The following FILIP1 variants were observed in gnomAD, a reference collection of about 807,000 sequenced individuals.
FILIP1 encodes the protein filamin A interacting protein 1, also known as filamin-A-interacting protein 1.
A neutral mutation model predicts 102.1 loss-of-function variants in FILIP1; 61 were observed. The ratio of observed to expected loss-of-function variants is 0.60; its 90% confidence interval spans 0.49 to 0.74. The LOEUF (loss-of-function observed/expected upper bound fraction) is 0.74. Ranked by LOEUF, FILIP1 falls within the 30% of genes least tolerant of loss-of-function variation. FILIP1 has a pLI of 0.00. For missense variants in FILIP1, 1,314 were observed against 1,441.2 expected (o/e 0.91, Z 1.43); for synonymous variants, 491 against 526.9 (o/e 0.93, Z 0.93).
At position 75,492,972 on chromosome 6, in the gene FILIP1, C is replaced by A. The variant is rs563337329; in HGVS notation, c.-7+442G>T. ...AGCAGGTTTAAAAAGTACAGCAATACAAACACCATGCGGGACTTTCCTCTC... is the reference window on the plus strand; with the variant it reads ...AGCAGGTTTAAAAAGTACAGCAATAAAAACACCATGCGGGACTTTCCTCTC... On this transcript the variant is annotated intron_variant, in intron 1 of 5. Transcript: ENST00000237172. 6.6e-5 allele frequency among the ~76,000 whole-genome samples: 10 copies of A among 152,296 alleles called. No homozygotes were observed. In the East Asian group the frequency reaches 1.9e-3, roughly 29 times the overall value.
intron 1 of FILIP1, among the ~76,000 whole-genome samples, chr6:75,427,390 C>T (rs1189630771): frequency 6.6e-6 from 1 of 152,102 alleles, no homozygotes; most frequent in Non-Finnish European, 1.5e-5. Context: ...TACTATAGGA[C>T]TTTCAGGCTA....
intron 4 of FILIP1, among the ~76,000 whole-genome samples, chr6:75,329,905 C>T (rs1774012187): frequency 6.6e-6 from 1 of 152,052 alleles, no homozygotes; most frequent in African/African-American, 2.4e-5. Flanking sequence ...CAAGCATATC[C>T]TTTGTGTTAC....
chr6:75,346,489 A>G (rs1454823347), intron 4 of FILIP1, among the ~76,000 whole-genome samples: 2 of 152,182 alleles, frequency 1.3e-5, no homozygotes, highest in Admixed American at 6.5e-5. Flanking sequence ...CCTCAAGGGC[A>G]TTTTTAATGG....
chr6:75,394,122 A>C (rs2149661279), intron 2 of FILIP1, among the ~76,000 whole-genome samples: 1 of 152,294 alleles, frequency 6.6e-6, no homozygotes, highest in Middle Eastern at 3.4e-3. Flanking sequence ...TGGTTACTTC[A>C]GAATTCTCCT....
chr6:75,310,988 C>T (rs1250273418), intron 5 of FILIP1, among the ~76,000 whole-genome samples: 1 of 152,074 alleles, frequency 6.6e-6, no homozygotes, highest in African/African-American at 2.4e-5. Context: ...AAATTATGAG[C>T]TTCCTGTCTT....
In FILIP1 at chr6:75,493,555, C is replaced by T. The variant is rs949556468; in HGVS notation, c.-148G>A. The T allele has an allele frequency of 7.2e-5, 11 of 152,166 alleles. No homozygotes were observed. The highest frequency in any genetic ancestry group is 2.7e-4 in the African/African-American group (11 of 41,418). 9.4% of individuals were successfully genotyped at this position (152,166 alleles called of 1,614,324 possible). A position where few individuals can be genotyped will look rare whatever the true frequency, so the allele number is the denominator to read the frequency against. On this transcript the variant is annotated 5_prime_UTR_variant, in exon 1 of 6. Coordinates refer to ENST00000237172, the MANE Select transcript of FILIP1 (RefSeq NM_015687.5). ...GCCCAAAAGAATACAGAGGAAAAAG[C>T]TTTTCCCACTTTCTTTCCCAGGACC...
At chr6:75,316,488 TTG>T (rs1332058106) in intron 4 of FILIP1, among the ~76,000 whole-genome samples, 9 of 151,774 alleles carry the variant, frequency 5.9e-5, no homozygotes, top group South Asian at 2.1e-4. Flanking sequence ...TAAGAAATAT[TTG>T]TGTGTTTTTT....
chr6:75,392,991 G>C (rs771601431), intron 2 of FILIP1, among the ~76,000 whole-genome samples: 78 of 152,274 alleles, frequency 5.1e-4, no homozygotes, highest in Non-Finnish European at 9.0e-4. Context: ...CCAGTCTCAG[G>C]TATGTCTTTA....
At chr6:75,480,115 T>C (rs2149776952) in intron 1 of FILIP1, among the ~76,000 whole-genome samples, 1 of 152,156 alleles carries the variant, frequency 6.6e-6, no homozygotes, top group East Asian at 1.9e-4. Flanking sequence ...ACCTTCATTT[T>C]TTTAGACTTA....
At chr6:75,414,561 A>G (rs1777186739) in intron 2 of FILIP1, 136 bp downstream of exon 2, 4 of 836,588 alleles carry the variant, frequency 4.8e-6, no homozygotes. Context: ...GCCAGGCACT[A>G]GGGATTTAGA....
At chr6:75,414,461 A>C (rs1306095830) in intron 2 of FILIP1, among the ~76,000 whole-genome samples, 1 of 152,144 alleles carries the variant, frequency 6.6e-6, no homozygotes, top group East Asian at 1.9e-4. Flanking sequence ...ATAATGAAGA[A>C]ATTTTCTGCT....
At chr6:75,384,395 C>T (rs927764285) in intron 2 of FILIP1, among the ~76,000 whole-genome samples, 1 of 152,198 alleles carries the variant, frequency 6.6e-6, no homozygotes, top group African/African-American at 2.4e-5. Flanking sequence ...AGCACCTGCA[C>T]ATCCTAAATG....
At chr6:75,443,025 G>T (rs1216485820) in intron 1 of FILIP1, among the ~76,000 whole-genome samples, 4 of 152,196 alleles carry the variant, frequency 2.6e-5, no homozygotes, top group Non-Finnish European at 4.4e-5. Flanking sequence ...ATCTTGGAGT[G>T]AAAGTGTAAA....
intron 6 of FILIP1, among the ~76,000 whole-genome samples, chr6:75,300,330 C>CTA (rs1353825866): frequency 6.6e-6 from 1 of 152,144 alleles, no homozygotes; most frequent in Non-Finnish European, 1.5e-5. Flanking sequence ...ATCAATTTGC[C>CTA]TATATATAAC....
At chr6:75,293,344 A>G (rs951266567) in exon 7 of FILIP1, 7 of 152,208 alleles carry the variant, frequency 4.6e-5, no homozygotes, top group Non-Finnish European at 8.8e-5. Context: ...TCAATTGCAT[A>G]TGCATGTTGA....
chr6:75,401,559 A>G (rs1333283091), intron 2 of FILIP1, among the ~76,000 whole-genome samples: 11 of 152,208 alleles, frequency 7.2e-5, no homozygotes, highest in Admixed American at 5.9e-4. Context: ...AACATTAAAT[A>G]AAATTTAAAA....
chr6:75,298,340 T>A (rs1430152178), intron 6 of FILIP1, among the ~76,000 whole-genome samples: 2 of 152,226 alleles, frequency 1.3e-5, no homozygotes, highest in African/African-American at 2.4e-5. Context: ...TTATATAAAT[T>A]GTACTTTAAT....
At chr6:75,455,936 C>A (rs1778814154) in intron 1 of FILIP1, among the ~76,000 whole-genome samples, 1 of 152,214 alleles carries the variant, frequency 6.6e-6, no homozygotes, top group African/African-American at 2.4e-5. Context: ...TAGTTAAACT[C>A]ATCTGCTTAC....
intron 3 of FILIP1, among the ~76,000 whole-genome samples, chr6:75,361,480 A>G (rs1241318399): frequency 6.6e-6 from 1 of 152,136 alleles, no homozygotes; most frequent in Non-Finnish European, 1.5e-5. Flanking sequence ...TATCATATTA[A>G]ACAAATACAT....
Sources: allele counts gnomAD v4.1 joint callset (sites outside exome capture counted in the v4.1 genomes callset), GRCh38; gene constraint gnomAD v4.1.1; transcripts MANE v1.5; gene names NCBI Gene and HGNC (gene_info 2026-07-23, HGNC 2026-07-21).